The following TTC6 variants were observed in gnomAD, a reference collection of about 807,000 sequenced individuals.
The protein encoded by TTC6 is tetratricopeptide repeat domain 6, also known as tetratricopeptide repeat protein 6.
TTC6 carries 172 observed loss-of-function variants against 210.4 expected under a neutral mutation model. The observed-to-expected ratio is 0.82, with a 90% CI of 0.72 to 0.93. TTC6 has a LOEUF of 0.93. TTC6 is among the 40% of genes least tolerant of loss of function. The pLI is 0.00. For missense variants in TTC6, 2,414 were observed against 2,318.1 expected (o/e 1.04, Z -0.85); for synonymous variants, 804 against 819.6 (o/e 0.98, Z 0.32).
chr14:37,764,305 G>A (rs1484711893), intron 14 of TTC6, among the ~76,000 whole-genome samples: 3 of 152,096 alleles, frequency 2.0e-5, no homozygotes, highest in Non-Finnish European at 4.4e-5. Flanking sequence ...TTATACTACT[G>A]TTCAAGTCCT....
At chr14:37,746,773 T>TG (rs747016848) in intron 10 of TTC6, among the ~76,000 whole-genome samples, 1 of 152,110 alleles carries the variant, frequency 6.6e-6, no homozygotes, top group Non-Finnish European at 1.5e-5. Context: ...TATGAGGCAA[T>TG]GTCACAGTAT....
intron 29 of TTC6, 88 bp downstream of exon 31, chr14:37,827,454 C>A: frequency 7.8e-7 from 1 of 1,286,338 alleles, no homozygotes; most frequent in Non-Finnish European, 1.1e-6. Context: ...CATACAATCT[C>A]AGGCTAATAA....
chr14:37,778,777 A>C (rs534191786), intron 14 of TTC6, among the ~76,000 whole-genome samples: 3 of 152,084 alleles, frequency 2.0e-5, no homozygotes, highest in Admixed American at 2.0e-4. Context: ...AGGCTGCACT[A>C]TGAGCAGGTG....
intron 1 of TTC6, among the ~76,000 whole-genome samples, chr14:37,675,370 A>G (rs2138509774): frequency 6.6e-6 from 1 of 152,246 alleles, no homozygotes; most frequent in African/African-American, 2.4e-5. Flanking sequence ...TAATGTTTTC[A>G]AGATTCATCC....
intron 1 of TTC6, among the ~76,000 whole-genome samples, chr14:37,657,322 G>T (rs1219284927): frequency 2.0e-5 from 3 of 149,382 alleles, no homozygotes; most frequent in Admixed American, 6.7e-5. Flanking sequence ...TTTTCAAAAG[G>T]TGTGGAAGTT....
rs888015464 is a variant in TTC6 at position 37,807,528 on chromosome 14, G to C, written c.4455+68G>C. 3 of 1,325,906 alleles carry C rather than the reference G, an allele frequency of 2.3e-6. No individual in the cohort carries two copies. In the African/African-American group the frequency reaches 4.3e-5, roughly 19 times the overall value. The allele number at this position is 1,325,906 out of a possible 1,614,324, so 82.1% of individuals were successfully genotyped here. A position where few individuals can be genotyped will look rare whatever the true frequency, so the allele number is the denominator to read the frequency against. On this transcript the variant is annotated intron_variant, in intron 23 of 30. Transcript: ENST00000553443. ...GCAGATTCTCTTATGCTAGGCAGGG[G>C]ACTCACTTACTTTTTTTCTATGTGG...
At chr14:37,754,580 C>T (rs1412271136) in intron 14 of TTC6, among the ~76,000 whole-genome samples, 2 of 151,974 alleles carry the variant, frequency 1.3e-5, no homozygotes, top group African/African-American at 4.8e-5. Context: ...TTACAGGCAT[C>T]TGCCACCACA....
chr14:37,602,178 T>G (rs905959768), intron 1 of TTC6, among the ~76,000 whole-genome samples: 4 of 152,210 alleles, frequency 2.6e-5, no homozygotes, highest in African/African-American at 9.6e-5. Context: ...GAAGTGATCT[T>G]CCTCGGTACC....
chr14:37,626,220 C>T (rs966212247), intron 1 of TTC6, among the ~76,000 whole-genome samples: 1 of 152,188 alleles, frequency 6.6e-6, no homozygotes, highest in African/African-American at 2.4e-5. Flanking sequence ...TTTGCTAAGA[C>T]ATTCAATAGT....
intron 6 of TTC6, among the ~76,000 whole-genome samples, chr14:37,722,860 C>T (rs1295001823): frequency 6.6e-6 from 1 of 152,098 alleles, no homozygotes; most frequent in Non-Finnish European, 1.5e-5. Flanking sequence ...AGTCACCATA[C>T]ACAGCCACAC....
At chr14:37,770,632 C>T (rs1419578057) in intron 14 of TTC6, among the ~76,000 whole-genome samples, 2 of 151,706 alleles carry the variant, frequency 1.3e-5, no homozygotes, top group Non-Finnish European at 2.9e-5. Flanking sequence ...CAACCCCTGC[C>T]TTTTTTTGTT....
rs1158019634 is a variant in TTC6 at position 37,598,479 on chromosome 14, T to A, written c.-235+2471T>A. On this transcript the variant is annotated intron_variant, in intron 1 of 2. Coordinates refer to the TTC6 transcript ENST00000556845. This position sits in a 1 kb window ranked among gnomAD's most constrained non-coding sequence, Gnocchi z 4.9. ...CCGGAAGCTGCCCTTGCTACACCCGTGGGGCCTGCTCCCGGCGCAGTCCCG... is the reference window on the plus strand; with the variant it reads ...CCGGAAGCTGCCCTTGCTACACCCGAGGGGCCTGCTCCCGGCGCAGTCCCG... Among the ~76,000 whole-genome samples, 1 of 152,208 alleles carries A rather than the reference T, an allele frequency of 6.6e-6. No homozygotes were observed.
chr14:37,800,207 T>G (rs1190919495), intron 20 of TTC6, among the ~76,000 whole-genome samples: 1 of 152,136 alleles, frequency 6.6e-6, no homozygotes, highest in Non-Finnish European at 1.5e-5. Flanking sequence ...CATTGAGGAC[T>G]CTGAGGCAAA....
At chr14:37,778,853 A>G (rs10872903) in intron 14 of TTC6, among the ~76,000 whole-genome samples, 96,826 of 151,922 alleles carry the variant, frequency 0.64, 30,931 homozygotes, top group Admixed American at 0.68. Context: ...GACTGGCATC[A>G]TCTCCAGGGC....
intron 2 of TTC6, chr14:37,611,362 G>C (rs924921217): frequency 6.6e-6 from 1 of 152,414 alleles, no homozygotes; most frequent in East Asian, 1.9e-4. Flanking sequence ...TCGATGCCGG[G>C]TGAGAGGAGA....
At chr14:37,734,687 T>G (rs1404114758) in intron 7 of TTC6, among the ~76,000 whole-genome samples, 1 of 152,184 alleles carries the variant, frequency 6.6e-6, no homozygotes, top group Non-Finnish European at 1.5e-5. Context: ...CAACAATATC[T>G]TTGGGGTAGA....
intron 29 of TTC6, among the ~76,000 whole-genome samples, chr14:37,829,839 A>G (rs960741871): frequency 2.0e-5 from 3 of 152,038 alleles, no homozygotes; most frequent in African/African-American, 4.8e-5. Context: ...TAATTCTCCC[A>G]TTTTGTTGTA....
chr14:37,774,406 T>C (rs1394656481), intron 14 of TTC6, among the ~76,000 whole-genome samples: 1 of 152,304 alleles, frequency 6.6e-6, no homozygotes. Flanking sequence ...TTGTCATCAA[T>C]GGCTCTTGTT....
intron 21 of TTC6, 86 bp downstream of exon 23, chr14:37,804,900 T>TA: frequency 6.7e-7 from 1 of 1,490,980 alleles, no homozygotes; most frequent in Non-Finnish European, 9.2e-7. Flanking sequence ...AGGCCACCTA[T>TA]ACAGTGGGCA....
Sources: gnomAD v4.1 joint callset for allele counts (sites outside exome capture counted in the v4.1 genomes callset) on GRCh38, gnomAD v4.1.1 for gene constraint, Gnocchi (gnomAD v3.1) non-coding constraint, MANE v1.5 for transcripts, NCBI Gene and HGNC (gene_info 2026-07-23, HGNC 2026-07-21) for gene names.